The following GSE1 variants were observed in gnomAD, a reference collection of about 807,000 sequenced individuals.
GSE1 encodes the protein genetic suppressor element 1.
A neutral mutation model predicts 112.6 loss-of-function variants in GSE1; 32 were observed. That is an observed-to-expected ratio of 0.28 (90% CI 0.21 to 0.38). The LOEUF (loss-of-function observed/expected upper bound fraction) is 0.38. GSE1 is among the 10% of genes least tolerant of loss of function. The probability of loss-of-function intolerance (pLI) is 1.00; values close to 1 mark genes in which losing one functional copy is unlikely to be tolerated. For synonymous variants in GSE1, 1,115 were observed against 735.6 expected (o/e 1.52, Z -8.35); for missense variants, 2,348 against 1,699.2 (o/e 1.38, Z -6.71).
intron 2 of GSE1, among the ~76,000 whole-genome samples, chr16:85,443,149 A>T (rs1269899294): frequency 6.6e-6 from 1 of 152,186 alleles, no homozygotes; most frequent in African/African-American, 2.4e-5. Context: ...TTGAGGTGGA[A>T]GTGAATGTGG....
In GSE1 at chr16:85,665,894, C is replaced by G. The variant is rs573570668; in HGVS notation, c.2759-82C>G. Reference sequence around the variant, plus strand: ...GCTAGGTCTTTGTTAAGTGTAAGCTCTAGAGACCAGGATCTGCGTGCTGGA... The same window carrying G: ...GCTAGGTCTTTGTTAAGTGTAAGCTGTAGAGACCAGGATCTGCGTGCTGGA... On this transcript the variant is annotated intron_variant, in intron 12 of 15. Transcript: ENST00000253458. 4 of 1,372,454 alleles carry G rather than the reference C, an allele frequency of 2.9e-6. No individual in the cohort carries two copies. In the South Asian group the frequency reaches 3.5e-5, roughly 12 times the overall value. 85.0% of individuals were successfully genotyped at this position (1,372,454 alleles called of 1,614,324 possible).
At chr16:85,422,010 T>C (rs1181074464) in intron 2 of GSE1, among the ~76,000 whole-genome samples, 1 of 152,060 alleles carries the variant, frequency 6.6e-6, no homozygotes, top group African/African-American at 2.4e-5. Flanking sequence ...CCCTCTCCCA[T>C]GTAGGCTCAT....
intron 1 of GSE1, among the ~76,000 whole-genome samples, chr16:85,230,950 T>C (rs900648709): frequency 4.0e-5 from 6 of 149,150 alleles, no homozygotes; most frequent in African/African-American, 7.5e-5. Context: ...GACAGACGGA[T>C]GGATGGATAG....
At chr16:85,503,386 G>GCTCCTC (rs980304973) in intron 2 of GSE1, among the ~76,000 whole-genome samples, 1 of 152,040 alleles carries the variant, frequency 6.6e-6, no homozygotes, top group Non-Finnish European at 1.5e-5. Context: ...CTCAGCTGCC[G>GCTCCTC]CTCCTCCTCC....
chr16:85,629,194 G>T (rs986145780), intron 1 of GSE1, among the ~76,000 whole-genome samples: 2 of 152,216 alleles, frequency 1.3e-5, no homozygotes, highest in African/African-American at 4.8e-5. Context: ...AGAGTCAGGA[G>T]CCAAAATAAG....
upstream of GSE1, among the ~76,000 whole-genome samples, chr16:85,609,373 A>G (rs2047861251): frequency 6.6e-6 from 1 of 152,232 alleles, no homozygotes; most frequent in Non-Finnish European, 1.5e-5. Context: ...AGCTGGGACC[A>G]CAGGCTTGTG....
At chr16:85,469,692 G>A (rs752219420) in intron 2 of GSE1, among the ~76,000 whole-genome samples, 3 of 152,192 alleles carry the variant, frequency 2.0e-5, no homozygotes, top group East Asian at 1.9e-4. Flanking sequence ...GCTCCCTGAG[G>A]CTGGAAAGTC....
intron 2 of GSE1, among the ~76,000 whole-genome samples, chr16:85,541,865 G>C (rs1038156492): frequency 6.6e-6 from 1 of 152,202 alleles, no homozygotes; most frequent in Non-Finnish European, 1.5e-5. Flanking sequence ...TGCAGAAGGG[G>C]AGAGCAGTCT....
At chr16:85,277,005 G>A (rs950959621) in intron 1 of GSE1, among the ~76,000 whole-genome samples, 1 of 152,138 alleles carries the variant, frequency 6.6e-6, no homozygotes, top group Non-Finnish European at 1.5e-5. Context: ...GGACCCTGAG[G>A]GTTTCAGGTT....
At chr16:85,370,669 C>T (rs1285944881) in intron 2 of GSE1, among the ~76,000 whole-genome samples, 11 of 149,798 alleles carry the variant, frequency 7.3e-5, no homozygotes, top group Admixed American at 6.0e-4. Context: ...CCCATGGGGA[C>T]GGCTGCTTCT....
At chr16:85,583,225 T>TG (rs1322398239) in intron 1 of GSE1, 1 of 152,234 alleles carries the variant, frequency 6.6e-6, no homozygotes, top group Non-Finnish European at 1.5e-5. Context: ...GATTCTCAGT[T>TG]GGGGGTTCCT....
chr16:85,219,828 A>G (rs568651774), intron 1 of GSE1, among the ~76,000 whole-genome samples: 32 of 152,262 alleles, frequency 2.1e-4, no homozygotes, highest in African/African-American at 6.0e-4. Context: ...TGGGTTCACC[A>G]AGGGCCCCCA....
At chr16:85,435,143 AGGCAGAGGC>A (rs202215252) in intron 2 of GSE1, among the ~76,000 whole-genome samples, 4,214 of 152,308 alleles carry the variant, frequency 0.028, 212 homozygotes, top group African/African-American at 0.097. Context: ...TGTCCAGGTC[AGGCAGAGGC>A]CCAGGCAGGC....
chr16:85,369,935 A>G (rs1379277608), intron 2 of GSE1, among the ~76,000 whole-genome samples: 1 of 152,172 alleles, frequency 6.6e-6, no homozygotes, highest in East Asian at 1.9e-4. Context: ...CCAAGGGTGC[A>G]TTCTGCGTCA....
rs114477689 is a variant in GSE1, at chr16:85,227,308, G to T, written c.2283+55501G>T. ...TAGTCATCCTGCAGTGGTTTAGTGA[G>T]CACCTGCTGTTCTCAGTGAAGGCTA... On this transcript the variant is annotated intron_variant, in intron 1 of 2. Transcript: ENST00000637419. Among the ~76,000 whole-genome samples, 624 of 152,334 alleles carry T rather than the reference G, an allele frequency of 4.1e-3. 6 individuals are homozygous for T. The highest frequency in any genetic ancestry group is 0.014 in the African/African-American group (601 of 41,574).
At chr16:85,220,007 GC>G (rs141723034) in intron 1 of GSE1, among the ~76,000 whole-genome samples, 15 of 152,328 alleles carry the variant, frequency 9.8e-5, no homozygotes, top group African/African-American at 3.6e-4. Flanking sequence ...CTTCAGGTGG[GC>G]GCTCCCTTCT....
intron 2 of GSE1, among the ~76,000 whole-genome samples, chr16:85,528,774 G>T (rs72801130): frequency 0.21 from 32,235 of 152,042 alleles, 4,254 homozygotes; most frequent in South Asian, 0.34. Flanking sequence ...TCTGGGGGAA[G>T]TGCAAGCTGA....
At chr16:85,178,084 T>G (rs1015831467) in intron 1 of GSE1, among the ~76,000 whole-genome samples, 3 of 152,106 alleles carry the variant, frequency 2.0e-5, no homozygotes, top group African/African-American at 7.2e-5. Context: ...GATGAGAGGT[T>G]GAGGAACCAG....
intron 2 of GSE1, among the ~76,000 whole-genome samples, chr16:85,461,408 G>GGCT (rs2049963092): frequency 6.6e-6 from 1 of 152,152 alleles, no homozygotes; most frequent in African/African-American, 2.4e-5. Flanking sequence ...TCTCTACCTT[G>GGCT]GCTGCGCACT....
Sources: gnomAD v4.1 joint callset for allele counts (sites outside exome capture counted in the v4.1 genomes callset) on GRCh38, gnomAD v4.1.1 for gene constraint, MANE v1.5 for transcripts, NCBI Gene and HGNC (gene_info 2026-07-23, HGNC 2026-07-21) for gene names.